Variants in ADAR observed in about 807,000 individuals in gnomAD.
ADAR encodes adenosine deaminase RNA specific.
A neutral mutation model predicts 113.2 loss-of-function variants in ADAR; 41 were observed. That is an observed-to-expected ratio of 0.36 (90% CI 0.28 to 0.47). The LOEUF is 0.47. ADAR is among the 20% of genes least tolerant of loss of function. The pLI is 1.00. For missense variants in ADAR, 1,242 were observed against 1,540.9 expected (o/e 0.81, Z 3.25); for synonymous variants, 605 against 572.6 (o/e 1.06, Z -0.81).
At chr1:154,613,307 CA>C (rs1698543500) in intron 1 of ADAR, among the ~76,000 whole-genome samples, 1 of 121,522 alleles carries the variant, frequency 8.2e-6, no homozygotes, top group African/African-American at 3.2e-5. Flanking sequence ...TTTTTTGAGC[CA>C]GAATCTCACT....
intron 8 of ADAR, 83 bp downstream of exon 8, chr1:154,589,674 T>TA: frequency 6.5e-7 from 1 of 1,543,628 alleles, no homozygotes; most frequent in African/African-American, 1.4e-5. Context: ...GCCTTGGACT[T>TA]ACATGCATGG....
In ADAR at chr1:154,602,115, A is replaced by T; in HGVS notation, c.527T>A (p.Leu176Ter). 1.9e-6 allele frequency: 3 copies of T among 1,614,212 alleles called. No homozygotes were observed. Among genetic ancestry groups the T allele is most frequent in the Non-Finnish European group, 2.5e-6 (3 of 1,180,036 alleles). ...GTPKKEINRV[L>*]YSLAKKGKLQ... ...CTTGCCCTTCTTTGCCAGGGAGTATAAAACTCGATTGATTTCTTTCTTCGG... is the reference window on the plus strand; with the variant it reads ...CTTGCCCTTCTTTGCCAGGGAGTATTAAACTCGATTGATTTCTTTCTTCGG... The change falls in exon 2 of 15, where the codon TTA becomes TAA. Residue 176 changes from leucine to a stop codon, truncating the protein, a stop_gained. Coordinates refer to ENST00000368474, the MANE Select transcript of ADAR (RefSeq NM_001111.5). LOFTEE classifies it high-confidence loss of function.
chr1:154,595,032 GA>G (rs1173733547), intron 6 of ADAR, among the ~76,000 whole-genome samples: 2 of 152,152 alleles, frequency 1.3e-5, no homozygotes, highest in Non-Finnish European at 2.9e-5. Context: ...TGATGGAGCT[GA>G]AAAATTCTTA....
chr1:154,605,905 T>G, intron 1 of ADAR: 1 of 849,650 alleles, frequency 1.2e-6, no homozygotes, highest in Non-Finnish European at 1.4e-6. Context: ...CTAAATGTTT[T>G]TTAAACTGCT....
At chr1:154,608,221 T>C (rs573780240), upstream of ADAR, 3 of 573,924 alleles carry the variant, frequency 5.2e-6, no homozygotes, top group South Asian at 7.3e-5. Context: ...AGCCTTCCCC[T>C]CCGGAAAGTT....
chr1:154,599,733 CCT>C (rs1697736498), intron 2 of ADAR, among the ~76,000 whole-genome samples: 1 of 152,238 alleles, frequency 6.6e-6, no homozygotes, highest in African/African-American at 2.4e-5. Context: ...TTCAGAAGCT[CCT>C]GTTTTCCTCA....
Position 154,590,421 on chromosome 1 carries a change from G to A in ADAR, c.2271-12C>T. On this transcript the variant is annotated splice_polypyrimidine_tract_variant and intron_variant, in intron 6 of 14. Coordinates refer to ENST00000368474, the MANE Select transcript of ADAR (RefSeq NM_001111.5). ...CTTGGTAAACGAACCTTTGGGATGA[G>A]AAACAGAGAATGAAGACAAGTGCCA... The A allele has an allele frequency of 1.2e-6, 2 of 1,613,372 alleles. No individual in the cohort carries two copies. The highest frequency in any genetic ancestry group is 1.7e-6 in the Non-Finnish European group (2 of 1,179,336).
At chr1:154,590,138 A>AGGGGC in intron 7 of ADAR, 46 bp downstream of exon 7, 1 of 1,173,794 alleles carries the variant, frequency 8.5e-7, no homozygotes, top group Non-Finnish European at 1.2e-6. Flanking sequence ...AGGAGTTAGG[A>AGGGGC]GGACCCCCCC....
chr1:154,600,113 T>C (rs1033891554), intron 2 of ADAR: 1 of 152,276 alleles, frequency 6.6e-6, no homozygotes, highest in African/African-American at 2.4e-5. Flanking sequence ...ACCTCTGCCT[T>C]AGGAGGCAGG....
upstream of ADAR, among the ~76,000 whole-genome samples, chr1:154,612,234 T>C (rs887167699): frequency 2.0e-5 from 3 of 151,830 alleles, no homozygotes; most frequent in African/African-American, 7.3e-5. Flanking sequence ...GCTCATACAG[T>C]GATACTGGGA....
chr1:154,621,290 T>TA (rs539701335), intron 1 of ADAR, among the ~76,000 whole-genome samples: 2 of 150,548 alleles, frequency 1.3e-5, no homozygotes. Context: ...ATGCAAACCA[T>TA]AAAAAAAACT....
intron 14 of ADAR, 59 bp from the exon 15 acceptor site, chr1:154,585,102 TGGA>T: frequency 6.2e-7 from 1 of 1,611,406 alleles, no homozygotes; most frequent in Non-Finnish European, 8.5e-7. Context: ...GAGCTCACAG[TGGA>T]GACACCGTGG....
In ADAR at chr1:154,584,762, C is replaced by A; in HGVS notation, c.*44G>T. 2.0e-6 allele frequency: 3 copies of A among 1,512,928 alleles called. No homozygotes were observed. Among genetic ancestry groups the A allele is most frequent in the Non-Finnish European group, 2.8e-6 (3 of 1,089,536 alleles). The allele number at this position is 1,512,928 out of a possible 1,614,324, so 93.7% of individuals were successfully genotyped here. A position where few individuals can be genotyped will look rare whatever the true frequency, so the allele number is the denominator to read the frequency against. ...GGAATGCTACGACCTACCTCTCTCA[C>A]ACCCTAGTATGACACACCCTAATCC... On this transcript the variant is annotated 3_prime_UTR_variant, in exon 15 of 15. Transcript: ENST00000368474.
At chr1:154,604,098 T>C (rs1313654046) in intron 1 of ADAR, among the ~76,000 whole-genome samples, 1 of 152,194 alleles carries the variant, frequency 6.6e-6, no homozygotes, top group Non-Finnish European at 1.5e-5. Flanking sequence ...GCTGATAAAC[T>C]TTTTCTATAA....
chr1:154,607,976 G>A lies in ADAR; in HGVS notation c.15+16C>T, dbSNP rs1353298437. The A allele has an allele frequency of 9.3e-6, 15 of 1,611,108 alleles. No homozygotes were observed. The highest frequency in any genetic ancestry group is 1.3e-5 in the African/African-American group (1 of 74,890). On this transcript the variant is annotated intron_variant, in intron 1 of 14. Coordinates refer to ENST00000368474, the MANE Select transcript of ADAR (RefSeq NM_001111.5). ...AACCCAGACGGCGGCGAAGGTCCAAGGCCGGCCCGGCTTACCTGCCGCGGA... is the reference window on the plus strand; with the variant it reads ...AACCCAGACGGCGGCGAAGGTCCAAAGCCGGCCCGGCTTACCTGCCGCGGA...
intron 7 of ADAR, 31 bp downstream of exon 7, chr1:154,590,153 C>CGA: frequency 8.8e-7 from 1 of 1,141,324 alleles, no homozygotes. Flanking sequence ...CCCCCCGCCC[C>CGA]AAAAAAGGCA....
intron 1 of ADAR, among the ~76,000 whole-genome samples, chr1:154,619,608 G>A (rs991582397): frequency 6.6e-6 from 1 of 152,044 alleles, no homozygotes; most frequent in African/African-American, 2.4e-5. Context: ...AAAATAAGAA[G>A]AGGAAGGTTA....
Position 154,602,442 on chromosome 1 carries a change from G to C in ADAR, c.200C>G (p.Ser67Cys), listed in dbSNP as rs1367119670. 2 of 1,612,610 alleles carry C rather than the reference G, an allele frequency of 1.2e-6. No individual in the cohort carries two copies. The highest frequency in any genetic ancestry group is 1.7e-6 in the Non-Finnish European group (2 of 1,179,036). ...AAACCTTGGCCGGAGTCCTGGGAGG[G>C]AAGGTGGCAGTGACGGTGTCTGCTT... ...IGKQTPSLPP[S>C]LPGLRPRFPV... Residue 67 changes from serine (S) to cysteine (C), a missense_variant, in exon 2 of 15, where the codon TCC (serine) becomes TGC (cysteine). Around this residue, in one of 2 missense-constraint regions of ADAR, gnomAD observed 462 missense variants for 483.1 expected, o/e 0.96. Coordinates refer to ENST00000368474, the MANE Select transcript of ADAR (RefSeq NM_001111.5).
intron 1 of ADAR, among the ~76,000 whole-genome samples, chr1:154,613,447 G>A (rs1403859073): frequency 1.3e-5 from 2 of 151,672 alleles, no homozygotes; most frequent in African/African-American, 2.4e-5. Context: ...ATCATGCCTG[G>A]CTAATTTTTA....
Sources: gnomAD v4.1 joint callset for allele counts (sites outside exome capture counted in the v4.1 genomes callset) on GRCh38, gnomAD v4.1.1 for gene constraint, gnomAD v4.1.1 regional missense constraint, MANE v1.5 for transcripts, NCBI Gene and HGNC (gene_info 2026-07-23, HGNC 2026-07-21) for gene names.